INPP4A: variants seen among roughly 807,000 people sequenced by gnomAD.
INPP4A encodes inositol polyphosphate-4-phosphatase, type I, 107kD.
A neutral mutation model predicts 119.8 loss-of-function variants in INPP4A; 33 were observed. The observed-to-expected ratio is 0.28, with a 90% CI of 0.21 to 0.37. INPP4A has a LOEUF of 0.37. Among genes scored for constraint, INPP4A ranks in the 10% least tolerant of loss-of-function variants. The pLI is 1.00. For missense variants in INPP4A, 956 were observed against 1,289.9 expected (o/e 0.74, Z 3.97); for synonymous variants, 496 against 500.7 (o/e 0.99, Z 0.12).
At chr2:98,535,417 T>C (rs1200514316) in intron 5 of INPP4A, among the ~76,000 whole-genome samples, 1 of 152,262 alleles carries the variant, frequency 6.6e-6, no homozygotes, top group East Asian at 1.9e-4. Flanking sequence ...CCAACTTGTT[T>C]CAGTTTTTAA....
intron 1 of INPP4A, among the ~76,000 whole-genome samples, chr2:98,495,597 A>G (rs6727604): frequency 0.031 from 4,735 of 152,332 alleles, 268 homozygotes; most frequent in African/African-American, 0.11. Flanking sequence ...GATGTATATT[A>G]GTTTGGTCCG....
At chr2:98,586,076 A>AT (rs1471366867) in intron 24 of INPP4A, among the ~76,000 whole-genome samples, 1 of 152,196 alleles carries the variant, frequency 6.6e-6, no homozygotes, top group African/African-American at 2.4e-5. Flanking sequence ...GGCAAACACG[A>AT]TTGTTACTTA....
chr2:98,549,059 G>T (rs1460386236), intron 13 of INPP4A: 21 of 1,237,666 alleles, frequency 1.7e-5, no homozygotes, highest in Non-Finnish European at 9.3e-6. Flanking sequence ...CCTCCTGTGG[G>T]CTTCCCCTGC....
At chr2:98,461,058 G>A (rs564767739) in intron 1 of INPP4A, among the ~76,000 whole-genome samples, 34 of 152,246 alleles carry the variant, frequency 2.2e-4, no homozygotes, top group African/African-American at 7.5e-4. Context: ...CGCCCTTCCC[G>A]TGACCTCATG....
At chr2:98,496,914 C>G (rs945721407) in intron 1 of INPP4A, among the ~76,000 whole-genome samples, 3 of 152,172 alleles carry the variant, frequency 2.0e-5, no homozygotes, top group Non-Finnish European at 4.4e-5. Context: ...GGTTGCTTTT[C>G]CCTCTCTGAC....
intron 1 of INPP4A, among the ~76,000 whole-genome samples, chr2:98,486,654 C>CAGA (rs3835899): frequency 0.31 from 46,880 of 152,028 alleles, 7,556 homozygotes; most frequent in African/African-American, 0.4. Context: ...CAGGTTACAT[C>CAGA]AGGAGTCCAG....
intron 1 of INPP4A, among the ~76,000 whole-genome samples, chr2:98,514,542 G>A (rs887222475): frequency 4.6e-5 from 7 of 152,078 alleles, no homozygotes; most frequent in Non-Finnish European, 7.4e-5. Flanking sequence ...TCTGGGGAGG[G>A]GAGAGAGGCT....
intron 24 of INPP4A, among the ~76,000 whole-genome samples, chr2:98,584,619 G>T (rs1219630194): frequency 6.6e-6 from 1 of 152,278 alleles, no homozygotes; most frequent in Non-Finnish European, 1.5e-5. Flanking sequence ...TGGCCCGTGG[G>T]CTGAGAGAAA....
At position 98,520,165 on chromosome 2, in the gene INPP4A, C is replaced by CA; in HGVS notation, c.106+12dup. 6.5e-7 allele frequency: 1 copy of CA among 1,549,638 alleles called. No individual in the cohort carries two copies. The highest frequency in any genetic ancestry group is 8.7e-7 in the Non-Finnish European group (1 of 1,144,510). On this transcript the variant is annotated intron_variant, in intron 3 of 24. Coordinates refer to ENST00000409851, the MANE Select transcript of INPP4A (RefSeq NM_001134225.2). ...GCCTCTCTCTGGCAGGTGAGCCTCA[C>CA]AGGGCCTGCACCGGGCTCCAGGTAT...
At chr2:98,583,289 T>C (rs968947990) in intron 24 of INPP4A, among the ~76,000 whole-genome samples, 2 of 151,736 alleles carry the variant, frequency 1.3e-5, no homozygotes, top group Admixed American at 6.6e-5. Context: ...ACTAATCAAA[T>C]ATGATTGATA....
chr2:98,536,980 A>T (rs3769712), intron 7 of INPP4A, among the ~76,000 whole-genome samples: 34,819 of 152,196 alleles, frequency 0.23, 4,184 homozygotes, highest in Middle Eastern at 0.34. Context: ...GAGAGGGATC[A>T]TGTAAGGGAA....
intron 24 of INPP4A, among the ~76,000 whole-genome samples, chr2:98,580,670 G>A (rs1192484941): frequency 6.6e-6 from 1 of 152,210 alleles, no homozygotes; most frequent in Non-Finnish European, 1.5e-5. Flanking sequence ...GGCTCCTCTG[G>A]GAGAGCTGGG....
At chr2:98,511,212 A>G (rs1488489209) in intron 1 of INPP4A, among the ~76,000 whole-genome samples, 1 of 152,130 alleles carries the variant, frequency 6.6e-6, no homozygotes, top group Non-Finnish European at 1.5e-5. Context: ...GGCACGTGCC[A>G]CCACGCCCAG....
intron 5 of INPP4A, among the ~76,000 whole-genome samples, chr2:98,533,878 C>G (rs1047341759): frequency 6.6e-6 from 1 of 152,216 alleles, no homozygotes; most frequent in African/African-American, 2.4e-5. Flanking sequence ...CTTGTCCAGA[C>G]ATACCCCTAT....
Position 98,576,985 on chromosome 2 carries a change from G to T in INPP4A, c.2632-4G>T, listed in dbSNP as rs1307442862. 1 of 1,609,992 alleles carries T rather than the reference G, an allele frequency of 6.2e-7. No individual in the cohort carries two copies. The highest frequency in any genetic ancestry group is 2.2e-5 in the East Asian group (1 of 44,738). ...CTAAGCACGGCCCATGTTTCTGTTG[G>T]CAGATCTGCCGCCGCCTTAATGGGG... is the stretch of plus-strand genomic sequence containing the variant. On this transcript the variant is annotated splice_region_variant and splice_polypyrimidine_tract_variant and intron_variant, in intron 23 of 24. Transcript: ENST00000409851.
At chr2:98,477,944 A>C (rs74641980) in intron 1 of INPP4A, among the ~76,000 whole-genome samples, 4,720 of 152,288 alleles carry the variant, frequency 0.031, 267 homozygotes, top group African/African-American at 0.11. Flanking sequence ...CTTGAGGCCT[A>C]GGTCTTCTGG....
In INPP4A at chr2:98,520,970, G is replaced by T. The variant is rs1687073307; in HGVS notation, c.151+239G>T. 3 of 423,056 alleles carry T rather than the reference G, an allele frequency of 7.1e-6. No individual in the cohort carries two copies. The East Asian group carries it at 1.3e-4, about 18-fold the overall frequency. The allele number at this position is 423,056 out of a possible 1,614,324, so 26.2% of individuals were successfully genotyped here. On this transcript the variant is annotated intron_variant, in intron 4 of 24. Transcript: ENST00000409851. The stretch of plus-strand genomic sequence containing the variant: ...CTCAGCATGGGGCCCGCCCCCTTGG[G>T]GGTATGCTCTCCACAGGTGGCTGGG...
chr2:98,504,741 C>T (rs1332452368), intron 1 of INPP4A, among the ~76,000 whole-genome samples: 2 of 152,198 alleles, frequency 1.3e-5, no homozygotes, highest in Non-Finnish European at 2.9e-5. Flanking sequence ...GGCAGGCTTT[C>T]CTAGTGCTTA....
At chr2:98,465,882 G>T (rs1404132834) in intron 1 of INPP4A, among the ~76,000 whole-genome samples, 1 of 152,116 alleles carries the variant, frequency 6.6e-6, no homozygotes, top group Non-Finnish European at 1.5e-5. Flanking sequence ...GGTGGCTTGG[G>T]TCTCACTCTA....
Sources: gnomAD v4.1 joint callset for allele counts (sites outside exome capture counted in the v4.1 genomes callset) on GRCh38, gnomAD v4.1.1 for gene constraint, MANE v1.5 for transcripts, NCBI Gene and HGNC (gene_info 2026-07-23, HGNC 2026-07-21) for gene names.